DPP6: variants seen among roughly 807,000 people sequenced by gnomAD.
DPP6 encodes the protein A-type potassium channel modulatory protein DPP6.
Under a neutral mutation model 122.6 loss-of-function variants are expected in DPP6, and 69 were observed. The ratio of observed to expected loss-of-function variants is 0.56; its 90% CI spans 0.46 to 0.69. The LOEUF (loss-of-function observed/expected upper bound fraction) is 0.69, where lower values mean the gene tolerates loss of function less well. DPP6 is among the 30% of genes least tolerant of loss of function. The pLI is 0.00. For missense variants in DPP6, 928 were observed against 1,116.9 expected (o/e 0.83, Z 2.41); for synonymous variants, 418 against 433.1 (o/e 0.97, Z 0.43).
chr7:154,238,790 A>G (rs528278513), intron 1 of DPP6, among the ~76,000 whole-genome samples: 43 of 152,368 alleles, frequency 2.8e-4, no homozygotes, highest in Non-Finnish European at 4.7e-4. Flanking sequence ...TTTGAGATAC[A>G]CAGGACAAAT....
chr7:154,284,441 G>A (rs1804718818), intron 1 of DPP6, among the ~76,000 whole-genome samples: 1 of 152,188 alleles, frequency 6.6e-6, no homozygotes, highest in African/African-American at 2.4e-5. Context: ...AACAACCCAA[G>A]TGTCTATCAA....
the DPP6 span, among the ~76,000 whole-genome samples, chr7:153,862,593 G>C: frequency 6.6e-6 from 1 of 152,138 alleles, no homozygotes; most frequent in South Asian, 2.1e-4. Flanking sequence ...CCTAAATAAT[G>C]CCTAAACATC....
rs193055648 is a variant in DPP6 at position 154,470,333 on chromosome 7, G to A, written c.359-4606G>A. 8.2e-4 allele frequency among the ~76,000 whole-genome samples: 125 copies of A among 152,184 alleles called. 1 individual carries two copies. Among genetic ancestry groups the A allele is most frequent in the African/African-American group, 2.8e-3 (116 of 41,506 alleles). On this transcript the variant is annotated intron_variant, in intron 2 of 25. Coordinates refer to ENST00000377770, the MANE Select transcript of DPP6 (RefSeq NM_130797.4). ...AGAGATAATAAATATCATTGCACTC[G>A]GAAGACTATAAAGCACTTTAGAGTT...
chr7:154,306,972 C>T (rs1806402922), intron 1 of DPP6, among the ~76,000 whole-genome samples: 1 of 152,134 alleles, frequency 6.6e-6, no homozygotes. Context: ...GTTCTCCTCC[C>T]TCATTAGTTA....
rs1373496299 is a variant in DPP6, at chr7:154,863,048, A to G, written c.1715-4947A>G. Among the ~76,000 whole-genome samples the G allele has an allele frequency of 6.6e-6, 1 of 151,486 alleles. No individual in the cohort carries two copies. The highest frequency in any genetic ancestry group is 1.5e-5 in the Non-Finnish European group (1 of 67,854). ...CAAGTAGCTGGGACTACAGACATGC[A>G]TCACCATGACTGGCTAATTTTTACA... On this transcript the variant is annotated intron_variant, in intron 17 of 25. Coordinates refer to ENST00000377770, the MANE Select transcript of DPP6 (RefSeq NM_130797.4). The surrounding 1 kb of genome is among the most constrained non-coding windows in gnomAD (Gnocchi z 4.1).
At chr7:154,762,947 C>T (rs985191794) in intron 8 of DPP6, among the ~76,000 whole-genome samples, 5 of 152,198 alleles carry the variant, frequency 3.3e-5, no homozygotes, top group African/African-American at 1.2e-4. Flanking sequence ...GTGGAAGTGG[C>T]AGGGGACTGC....
chr7:154,228,762 CATCA>C (rs1800752174), intron 1 of DPP6, among the ~76,000 whole-genome samples: 1 of 152,104 alleles, frequency 6.6e-6, no homozygotes, highest in Non-Finnish European at 1.5e-5. Flanking sequence ...GTATAAGCTC[CATCA>C]AGTTCAAAAC....
intron 1 of DPP6, among the ~76,000 whole-genome samples, chr7:154,306,447 G>A (rs1563447064): frequency 1.3e-5 from 2 of 152,248 alleles, no homozygotes; most frequent in Non-Finnish European, 2.9e-5. Flanking sequence ...TTGCTCAAGC[G>A]TGGTAAATCA....
chr7:154,013,064 C>G (rs1311147727), intron 1 of DPP6, among the ~76,000 whole-genome samples: 1 of 152,226 alleles, frequency 6.6e-6, no homozygotes, highest in East Asian at 1.9e-4. Context: ...CACATTAAGG[C>G]CACTGCTCTC....
intron 1 of DPP6, among the ~76,000 whole-genome samples, chr7:154,344,813 A>G (rs1334822366): frequency 6.6e-6 from 1 of 152,104 alleles, no homozygotes; most frequent in African/African-American, 2.4e-5. Context: ...GCTTGAACCC[A>G]GGAGGCGGAG....
the DPP6 span, among the ~76,000 whole-genome samples, chr7:153,802,110 G>A: frequency 9.2e-5 from 14 of 152,146 alleles, no homozygotes; most frequent in Non-Finnish European, 1.3e-4. Context: ...AGAAAGTTTC[G>A]GTCAGGAGCA....
At chr7:154,632,836 G>C (rs903598410) in intron 5 of DPP6, among the ~76,000 whole-genome samples, 2 of 152,172 alleles carry the variant, frequency 1.3e-5, no homozygotes, top group Non-Finnish European at 2.9e-5. Flanking sequence ...AGAAGGAGGG[G>C]AGAGGGTAGA....
At chr7:154,609,619 GCA>G (rs1378540560) in intron 5 of DPP6, among the ~76,000 whole-genome samples, 2 of 152,020 alleles carry the variant, frequency 1.3e-5, no homozygotes, top group Non-Finnish European at 2.9e-5. Context: ...ACACATGCAT[GCA>G]CACACATACA....
chr7:153,967,434 C>A (rs962896208), intron 1 of DPP6, among the ~76,000 whole-genome samples: 2 of 152,196 alleles, frequency 1.3e-5, no homozygotes, highest in African/African-American at 2.4e-5. Context: ...TTCAGCCTGA[C>A]AGGACAGCAG....
intron 9 of DPP6, 39 bp from the exon 10 acceptor site, chr7:154,772,806 G>A (rs1403616770): frequency 6.3e-7 from 1 of 1,594,666 alleles, no homozygotes; most frequent in South Asian, 1.1e-5. Context: ...TCTTGTATAA[G>A]GCTGCTTGTT....
chr7:154,227,233 C>CA (rs1457710462), intron 1 of DPP6, among the ~76,000 whole-genome samples: 2 of 152,010 alleles, frequency 1.3e-5, no homozygotes, highest in East Asian at 3.9e-4. Flanking sequence ...CACACACACC[C>CA]CTAGGAATAT....
intron 1 of DPP6, among the ~76,000 whole-genome samples, chr7:154,245,076 G>A (rs12667679): frequency 0.039 from 5,866 of 150,546 alleles, 180 homozygotes; most frequent in East Asian, 0.14. Flanking sequence ...TCAGCCTCCC[G>A]AGTAGCTGGG....
At chr7:154,320,612 G>A (rs1303229914) in intron 1 of DPP6, among the ~76,000 whole-genome samples, 10 of 152,118 alleles carry the variant, frequency 6.6e-5, no homozygotes, top group Non-Finnish European at 1.5e-4. Flanking sequence ...AGCCTCCCTA[G>A]TAGCTGGGAC....
chr7:153,940,008 A>G (rs373342519), intron 1 of DPP6, among the ~76,000 whole-genome samples: 4 of 152,332 alleles, frequency 2.6e-5, no homozygotes, highest in South Asian at 4.1e-4. Context: ...TTTTGACTGT[A>G]TGCTGGGCCA....
Sources: allele counts gnomAD v4.1 joint callset (sites outside exome capture counted in the v4.1 genomes callset), GRCh38; gene constraint gnomAD v4.1.1; non-coding constraint Gnocchi (gnomAD v3.1); transcripts MANE v1.5; gene names NCBI Gene and HGNC (gene_info 2026-07-23, HGNC 2026-07-21).